FETUB: variants seen among roughly 807,000 people sequenced by gnomAD.
FETUB encodes fetuin-B.
A neutral mutation model predicts 30.9 loss-of-function variants in FETUB; 28 were observed. That is an observed-to-expected ratio of 0.90 (90% CI 0.67 to 1.24). The LOEUF is 1.24. Ranked by LOEUF, FETUB falls within the 50% of genes most tolerant of loss-of-function variation. The pLI is 0.00. For synonymous variants in FETUB, 186 were observed against 175.9 expected (o/e 1.06, Z -0.45); for missense variants, 469 against 455.3 (o/e 1.03, Z -0.27).
intron 3 of FETUB, among the ~76,000 whole-genome samples, chr3:186,643,803 C>T (rs1290469630): frequency 2.6e-5 from 4 of 152,166 alleles, no homozygotes; most frequent in Admixed American, 2.6e-4. Flanking sequence ...AATGTGTTTG[C>T]TCTGCAAAAG....
upstream of FETUB, among the ~76,000 whole-genome samples, chr3:186,636,401 C>T (rs1560016793): frequency 6.6e-6 from 1 of 152,206 alleles, no homozygotes; most frequent in African/African-American, 2.4e-5. Flanking sequence ...GTGAGAAACA[C>T]ATCCTTGGAC....
chr3:186,641,182 AG>A, intron 2 of FETUB, 42 bp downstream of exon 2: 1 of 1,182,116 alleles, frequency 8.5e-7, no homozygotes, highest in Non-Finnish European at 1.3e-6. Context: ...CCCTAGGGAA[AG>A]CAAGTAGGTA....
chr3:186,637,841 A>G (rs1716819737), upstream of FETUB, among the ~76,000 whole-genome samples: 2 of 152,200 alleles, frequency 1.3e-5, no homozygotes, highest in Non-Finnish European at 2.9e-5. Context: ...ATAAGTCCAT[A>G]TTGCAACCTC....
intron 5 of FETUB, among the ~76,000 whole-genome samples, chr3:186,649,195 G>A (rs1248628548): frequency 6.6e-6 from 1 of 152,192 alleles, no homozygotes; most frequent in Non-Finnish European, 1.5e-5. Flanking sequence ...GTGATGAAGA[G>A]AAGGAAAAGG....
chr3:186,647,178 G>C (rs1425530108), intron 5 of FETUB: 1 of 152,108 alleles, frequency 6.6e-6, no homozygotes, highest in African/African-American at 2.4e-5. Flanking sequence ...AATAAATGTA[G>C]TTTTACCTCT....
rs1422642104 is a variant in FETUB, at chr3:186,652,717, C to A, written c.*86C>A. ...ACGATGGACAGAGACAGAGCGTGCA[C>A]ACGTAGAGTGGCTAGTGAAGGACGC... On this transcript the variant is annotated 3_prime_UTR_variant, in exon 7 of 7. Coordinates refer to ENST00000265029, the MANE Select transcript of FETUB (RefSeq NM_014375.3). 3.4e-6 allele frequency: 5 copies of A among 1,465,798 alleles called. No homozygotes were observed. The highest frequency in any genetic ancestry group is 4.5e-6 in the Non-Finnish European group (5 of 1,103,190). The allele number at this position is 1,465,798 out of a possible 1,614,324, so 90.8% of individuals were successfully genotyped here.
upstream of FETUB, among the ~76,000 whole-genome samples, chr3:186,638,452 G>A (rs915687942): frequency 2.6e-5 from 4 of 152,180 alleles, no homozygotes; most frequent in Admixed American, 1.3e-4. Flanking sequence ...GGCACACCCA[G>A]TGTCACAGGC....
intron 5 of FETUB, among the ~76,000 whole-genome samples, chr3:186,649,369 G>T (rs1406664606): frequency 6.6e-6 from 1 of 152,136 alleles, no homozygotes; most frequent in Admixed American, 6.5e-5. Flanking sequence ...TACAAGTGCA[G>T]TTTTCTTACA....
chr3:186,646,236 G>A lies in FETUB; in HGVS notation c.595-12G>A. 1 of 1,593,062 alleles carries A rather than the reference G, an allele frequency of 6.3e-7. No individual in the cohort carries two copies. Among genetic ancestry groups the A allele is most frequent in the Non-Finnish European group, 8.6e-7 (1 of 1,161,676 alleles). The stretch of plus-strand genomic sequence containing the variant: ...GTTTGATTTTTATGTCTCAACTCTT[G>A]TCTCATAACAGTGGGTGGTCGGCCC... On this transcript the variant is annotated splice_polypyrimidine_tract_variant and intron_variant, in intron 4 of 6. Transcript: ENST00000265029.
upstream of FETUB, among the ~76,000 whole-genome samples, chr3:186,638,139 T>C (rs1445206523): frequency 6.6e-6 from 1 of 152,236 alleles, no homozygotes; most frequent in Admixed American, 6.5e-5. Context: ...CGAATGCAGA[T>C]ACCAGAAATT....
Position 186,640,663 on chromosome 3 carries a change from A to G in FETUB, c.203A>G (p.Asn68Ser). Residue 68 changes from asparagine (N) to serine (S), a missense_variant, in exon 1 of 7, where the codon AAC becomes AGC. By Grantham distance (46) the Asn-to-Ser change is conservative. Transcript: ENST00000265029. Reference protein sequence around the residue: ...DGYVLRLNRVNDAQEYRRGGL... With the variant: ...DGYVLRLNRVSDAQEYRRGGL... ...TATGTGCTGAGACTCAACCGAGTGA[A>G]CGACGCCCAGGAATACAGACGGGCA... is the stretch of plus-strand genomic sequence containing the variant. The G allele has an allele frequency of 6.2e-7, 1 of 1,614,070 alleles. No individual in the cohort carries two copies. Among genetic ancestry groups the G allele is most frequent in the Non-Finnish European group, 8.5e-7 (1 of 1,179,932 alleles).
Position 186,641,365 on chromosome 3 carries a change from G to A in FETUB, c.336+225G>A, listed in dbSNP as rs542479441. 10 of 437,346 alleles carry A rather than the reference G, an allele frequency of 2.3e-5. No individual in the cohort carries two copies. The South Asian group carries it at 3.1e-4, about 13-fold the overall frequency. The allele number at this position is 437,346 out of a possible 1,614,324, so 27.1% of individuals were successfully genotyped here. On this transcript the variant is annotated intron_variant, in intron 2 of 6. Transcript: ENST00000265029. ...CATTGGGGTCATGCAGAACAGAATG[G>A]AAAAGTTGCCCCAAGTTGTGTTTTT... is the stretch of plus-strand genomic sequence containing the variant.
At chr3:186,646,879 C>A (rs1717589248) in intron 5 of FETUB, among the ~76,000 whole-genome samples, 1 of 152,160 alleles carries the variant, frequency 6.6e-6, no homozygotes, top group Non-Finnish European at 1.5e-5. Flanking sequence ...AAAATTCATC[C>A]ATTTAAGGTG....
In FETUB at chr3:186,640,681, G is replaced by A; in HGVS notation, c.221G>A (p.Arg74Lys). 1.9e-6 allele frequency: 3 copies of A among 1,612,984 alleles called. No homozygotes were observed. The highest frequency in any genetic ancestry group is 1.7e-6 in the Non-Finnish European group (2 of 1,178,982). The change falls in exon 1 of 7, where the codon AGA becomes AAA. Residue 74 changes from arginine (R) to lysine (K), a missense_variant. Arg to Lys is a conservative substitution (Grantham distance 26). Transcript: ENST00000265029. ...CGAGTGAACGACGCCCAGGAATACA[G>A]ACGGGCAAGTAGGGACAGTTCCCAC... is the stretch of plus-strand genomic sequence containing the variant. ...LNRVNDAQEY[R>K]RGGLGSLFYL...
At chr3:186,651,377 C>G in intron 6 of FETUB, 76 bp downstream of exon 6, 1 of 978,512 alleles carries the variant, frequency 1.0e-6, no homozygotes, top group Non-Finnish European at 1.6e-6. Flanking sequence ...CTACCTTACC[C>G]CCTCCTTTGA....
chr3:186,646,129 G>A, intron 4 of FETUB, 119 bp from the exon 5 acceptor site: 1 of 690,090 alleles, frequency 1.4e-6, no homozygotes, highest in Non-Finnish European at 2.6e-6. Context: ...CAACAGATAT[G>A]TGCCTTGACA....
upstream of FETUB, chr3:186,640,397 T>C: frequency 4.4e-6 from 6 of 1,350,518 alleles, no homozygotes; most frequent in Non-Finnish European, 4.2e-6. Flanking sequence ...TTAAAGAGCC[T>C]TACAAGCCAG....
intron 5 of FETUB, 61 bp from the exon 6 acceptor site, chr3:186,651,157 T>A (rs1718000002): frequency 9.2e-7 from 1 of 1,082,018 alleles, no homozygotes; most frequent in East Asian, 2.4e-5. Flanking sequence ...AGTAGAAAGC[T>A]AGTTGATTTC....
At chr3:186,650,170 T>TGG (rs10618470) in intron 5 of FETUB, among the ~76,000 whole-genome samples, 1,595 of 65,186 alleles carry the variant, frequency 0.024, 32 homozygotes, top group Non-Finnish European at 0.039. Flanking sequence ...TTGGCGGGGG[T>TGG]GGGGGGGGGG....
Sources: gnomAD v4.1 joint callset for allele counts (sites outside exome capture counted in the v4.1 genomes callset) on GRCh38, gnomAD v4.1.1 for gene constraint, MANE v1.5 for transcripts, NCBI Gene and HGNC (gene_info 2026-07-23, HGNC 2026-07-21) for gene names.